The following KLK12 variants were observed in gnomAD, a reference collection of about 807,000 sequenced individuals.
KLK12 encodes kallikrein related peptidase 12, also known as kallikrein-12.
KLK12 carries 23 observed loss-of-function variants against 20.0 expected under a neutral mutation model. The observed-to-expected ratio is 1.15, with a 90% CI of 0.83 to 1.63. The LOEUF is 1.63. Among genes scored for constraint, KLK12 ranks in the 40% most tolerant of loss-of-function variants. The pLI is 0.00. For missense variants in KLK12, 351 were observed against 338.6 expected, an observed-to-expected ratio of 1.04 and a Z score of -0.29; for synonymous variants, 147 against 141.9, an observed-to-expected ratio of 1.04 and a Z score of -0.25.
In KLK12 at chr19:51,030,824, C is replaced by A; in HGVS notation, c.555G>T (p.Val185=). 6.2e-7 allele frequency: 1 copy of A among 1,614,158 alleles called. No homozygotes were observed. Among genetic ancestry groups the A allele is most frequent in the Non-Finnish European group, 8.5e-7 (1 of 1,180,042 alleles). ...VYPGRITSNM[V]CAGGVPGQDA... ...CCTGCCCCGGGACGCCGCCTGCACA[C>A]ACCATGTTGCTCGTGATTCTCCCGG... Residue 185 remains valine (V), a synonymous_variant, in exon 5 of 6, where the codon GTG becomes GTT. Transcript: ENST00000684732.
At chr19:51,030,511 G>A (rs188107309) in intron 5 of KLK12, among the ~76,000 whole-genome samples, 3 of 151,752 alleles carry the variant, frequency 2.0e-5, no homozygotes, top group East Asian at 1.9e-4. Flanking sequence ...CACCACCCCC[G>A]GCTAATTCTG....
chr19:51,031,141 G>A (rs1044115531), intron 4 of KLK12, among the ~76,000 whole-genome samples: 1 of 152,110 alleles, frequency 6.6e-6, no homozygotes, highest in African/African-American at 2.4e-5. Context: ...ATTTGACTTT[G>A]AGTGGCATAA....
chr19:51,029,530 C>G, intron 5 of KLK12, 73 bp from the exon 6 acceptor site: 2 of 1,290,150 alleles, frequency 1.6e-6, no homozygotes, highest in Non-Finnish European at 2.2e-6. Flanking sequence ...ACCCTTCAAC[C>G]CAGTCCTGGG....
At chr19:51,033,902 C>T (rs2091584769) in intron 3 of KLK12, 78 bp downstream of exon 3, 1 of 1,403,512 alleles carries the variant, frequency 7.1e-7, no homozygotes, top group Non-Finnish European at 9.9e-7. Context: ...CCAGTGGGCA[C>T]CACCCTCCCT....
chr19:51,033,872 G>T, intron 3 of KLK12, 108 bp downstream of exon 3: 2 of 1,121,218 alleles, frequency 1.8e-6, no homozygotes, highest in Non-Finnish European at 2.6e-6. Context: ...AGACTCTCTT[G>T]TTGCAGGATC....
rs1205584733 is a variant in KLK12, at chr19:51,034,596, A to G, written c.26T>C (p.Leu9Pro). 4 of 1,611,574 alleles carry G rather than the reference A, an allele frequency of 2.5e-6. No homozygotes were observed. Among genetic ancestry groups the G allele is most frequent in the Non-Finnish European group, 3.4e-6 (4 of 1,179,078 alleles). MGLSIFLL[L>P]CVLGLSQAAT... ...CCGGGAGAACTCACCAAGAACACAC[A>G]GGAGCAAAAAGATGCTGAGCCCCAT... Residue 9 changes from leucine (L) to proline (P), a missense_variant, in exon 2 of 6, where the codon CTG becomes CCG. By Grantham distance (98) the Leu-to-Pro change is moderately conservative (BLOSUM62 -3). Coordinates refer to ENST00000684732, the MANE Select transcript of KLK12 (RefSeq NM_001370125.1).
At chr19:51,034,230 GAGAGAGAGGAGAA>G (rs2091589669) in intron 2 of KLK12, 91 bp from the exon 3 acceptor site, 33 of 1,387,166 alleles carry the variant, frequency 2.4e-5, no homozygotes, top group Non-Finnish European at 3.3e-5. Context: ...ACAGGCAGGA[GAGAGAGAGGAGAA>G]AGAGAGACGA....
chr19:51,032,828 G>A (rs552555529), intron 3 of KLK12, among the ~76,000 whole-genome samples: 43 of 152,240 alleles, frequency 2.8e-4, no homozygotes, highest in African/African-American at 9.4e-4. Flanking sequence ...ATGATTGAAC[G>A]AGTGGGTTGA....
rs1293283976 is a variant in KLK12 at position 51,029,190 on chromosome 19, T to C, written c.*112A>G. Reference sequence around the variant, plus strand: ...TGGCAGGAGTTAAAGTTCCAAGAAGTTCCCAGGCCAACAAGAGTGGAGCTA... The same window carrying C: ...TGGCAGGAGTTAAAGTTCCAAGAAGCTCCCAGGCCAACAAGAGTGGAGCTA... On this transcript the variant is annotated 3_prime_UTR_variant, in exon 6 of 6. Coordinates refer to ENST00000684732, the MANE Select transcript of KLK12 (RefSeq NM_001370125.1). 6.2e-7 allele frequency: 1 copy of C among 1,614,034 alleles called. No homozygotes were observed. The highest frequency in any genetic ancestry group is 2.2e-5 in the East Asian group (1 of 44,874).
chr19:51,030,416 C>T (rs2122601787), intron 5 of KLK12, among the ~76,000 whole-genome samples: 1 of 151,648 alleles, frequency 6.6e-6, no homozygotes. Context: ...GTGGCGTGAT[C>T]TCAGCTCACT....
chr19:51,033,321 T>A (rs1483556593), intron 3 of KLK12, among the ~76,000 whole-genome samples: 1 of 149,374 alleles, frequency 6.7e-6, no homozygotes, highest in Non-Finnish European at 1.5e-5. Context: ...GCACAAAGAG[T>A]TTGGGTCATG....
At chr19:51,034,670 C>T (rs570485924) in intron 1 of KLK12, 30 bp from the exon 2 acceptor site, 8 of 1,590,996 alleles carry the variant, frequency 5.0e-6, no homozygotes, top group South Asian at 4.5e-5. Flanking sequence ...TCAGAGGTCA[C>T]CCTTTCCCTG....
At chr19:51,032,280 C>T in intron 3 of KLK12, 145 bp from the exon 4 acceptor site, 2 of 962,390 alleles carry the variant, frequency 2.1e-6, no homozygotes, top group South Asian at 2.9e-5. Flanking sequence ...TTCTCCGAGT[C>T]TCTCTTACAG....
chr19:51,031,731 G>T, intron 4 of KLK12, 145 bp downstream of exon 4: 1 of 968,562 alleles, frequency 1.0e-6, no homozygotes, highest in Non-Finnish European at 1.6e-6. Flanking sequence ...CATAATCTCT[G>T]ACCCCAAACC....
intron 3 of KLK12, 83 bp downstream of exon 3, chr19:51,033,897 G>A: frequency 7.5e-7 from 1 of 1,342,186 alleles, no homozygotes; most frequent in South Asian, 1.2e-5. Context: ...TCTTCCCAGT[G>A]GGCACCACCC....
Position 51,029,414 on chromosome 19 carries a change from C to T in KLK12, c.635G>A (p.Gly212Asp). The change falls in exon 6 of 6, where the codon GGT (glycine) becomes GAT (aspartate). Residue 212 changes from glycine (G) to aspartate (D), a missense_variant. Transcript: ENST00000684732. ...GPLVCGGVLQ[G>D]LVSWGSVGPC... The stretch of plus-strand genomic sequence containing the variant: ...CCCCACAGACCCCCAGGACACCAGA[C>T]CTTGAAGGACTCCCCCACACACCAG... 1 of 1,613,770 alleles carries T rather than the reference C, an allele frequency of 6.2e-7. No individual in the cohort carries two copies. Among genetic ancestry groups the T allele is most frequent in the Non-Finnish European group, 8.5e-7 (1 of 1,179,664 alleles).
In KLK12 at chr19:51,029,148, G is replaced by A. The variant is rs202178514; in HGVS notation, c.*154C>T. On this transcript the variant is annotated 3_prime_UTR_variant, in exon 6 of 6. Coordinates refer to ENST00000684732, the MANE Select transcript of KLK12 (RefSeq NM_001370125.1). The stretch of plus-strand genomic sequence containing the variant: ...ATTGCACACTTCTCTCACCCCGCTC[G>A]TGGGTCTTAGAAGGGCTGGCAGGAG... 165 of 1,613,648 alleles carry A rather than the reference G, an allele frequency of 1.0e-4. No individual in the cohort carries two copies. The African/African-American group carries it at 1.4e-3, about 14-fold the overall frequency.
intron 3 of KLK12, among the ~76,000 whole-genome samples, chr19:51,033,667 C>G (rs2091582455): frequency 6.6e-6 from 1 of 151,950 alleles, no homozygotes. Context: ...ACCTGGGCCC[C>G]GGGCCCAGAC....
At chr19:51,030,477 G>A (rs976845249) in intron 5 of KLK12, among the ~76,000 whole-genome samples, 1 of 151,754 alleles carries the variant, frequency 6.6e-6, no homozygotes, top group Non-Finnish European at 1.5e-5. Flanking sequence ...AGCCTTCCAA[G>A]TAGCTGGGGC....
Sources: gnomAD v4.1 joint callset for allele counts (sites outside exome capture counted in the v4.1 genomes callset) on GRCh38, gnomAD v4.1.1 for gene constraint, MANE v1.5 for transcripts, NCBI Gene and HGNC (gene_info 2026-07-23, HGNC 2026-07-21) for gene names.